Variants in METAP1D observed in about 807,000 individuals in gnomAD.
METAP1D encodes methionine aminopeptidase 1D, mitochondrial.
Under a neutral mutation model 40.5 loss-of-function variants are expected in METAP1D, and 31 were observed. The ratio of observed to expected loss-of-function variants is 0.77; its 90% CI spans 0.58 to 1.03. The LOEUF (loss-of-function observed/expected upper bound fraction) is 1.03, where lower values mean the gene tolerates loss of function less well. Ranked by LOEUF, METAP1D falls within the 50% of genes least tolerant of loss-of-function variation. The pLI is 0.00. For synonymous variants in METAP1D, 151 were observed against 146.4 expected (o/e 1.03, Z -0.22); for missense variants, 411 against 420.7 (o/e 0.98, Z 0.20).
chr2:172,064,733 G>C (rs1406848936), intron 3 of METAP1D, among the ~76,000 whole-genome samples: 1 of 152,130 alleles, frequency 6.6e-6, no homozygotes, highest in Non-Finnish European at 1.5e-5. Context: ...TCTGCCAAAA[G>C]GTGGGCAGAA....
intron 1 of METAP1D, among the ~76,000 whole-genome samples, chr2:172,005,520 T>TTTTATA (rs1267182910): frequency 1.2e-4 from 13 of 110,950 alleles, no homozygotes; most frequent in East Asian, 2.8e-4. Flanking sequence ...TGTCTGTATT[T>TTTTATA]TATATATATA....
At chr2:172,078,310 C>G (rs1254942815) in intron 7 of METAP1D, among the ~76,000 whole-genome samples, 1 of 152,230 alleles carries the variant, frequency 6.6e-6, no homozygotes, top group Admixed American at 6.5e-5. Context: ...TTACATCCTA[C>G]ACAGCGTTGA....
intron 1 of METAP1D, among the ~76,000 whole-genome samples, chr2:172,007,165 ATTTTTTTTTTT>A (rs139762342): frequency 7.4e-6 from 1 of 134,320 alleles, no homozygotes. Context: ...ATGTCATGTA[ATTTTTTTTTTT>A]TTTTTTTTTT....
intron 1 of METAP1D, among the ~76,000 whole-genome samples, chr2:172,001,961 T>C (rs1002894636): frequency 2.7e-5 from 4 of 148,782 alleles, no homozygotes; most frequent in African/African-American, 1.0e-4. Flanking sequence ...CCAGGTGTGG[T>C]GGCACATGCT....
chr2:172,022,968 C>G (rs1296967544), intron 1 of METAP1D, among the ~76,000 whole-genome samples: 1 of 152,086 alleles, frequency 6.6e-6, no homozygotes, highest in Non-Finnish European at 1.5e-5. Context: ...GGGCTGATCA[C>G]CTGAGGTCGG....
chr2:172,065,966 G>C (rs1690266983), intron 4 of METAP1D, among the ~76,000 whole-genome samples: 1 of 152,142 alleles, frequency 6.6e-6, no homozygotes, highest in Non-Finnish European at 1.5e-5. Flanking sequence ...AATCTAAATG[G>C]GGGTTGTGCA....
intron 1 of METAP1D, among the ~76,000 whole-genome samples, chr2:172,021,220 TTA>T (rs1280403016): frequency 6.6e-6 from 1 of 152,190 alleles, no homozygotes; most frequent in Non-Finnish European, 1.5e-5. Context: ...GGGGATAGAA[TTA>T]TATGAGGAAG....
At chr2:172,051,257 A>G (rs1265637069) in intron 1 of METAP1D, among the ~76,000 whole-genome samples, 2 of 152,116 alleles carry the variant, frequency 1.3e-5, no homozygotes, top group Admixed American at 1.3e-4. Context: ...CGGCTAGCCT[A>G]AAGGAATTTT....
chr2:172,060,852 A>G (rs1559016242), intron 1 of METAP1D, among the ~76,000 whole-genome samples: 1 of 152,244 alleles, frequency 6.6e-6, no homozygotes. Flanking sequence ...GTCCTAGGAG[A>G]TGAACTGCTG....
chr2:172,024,097 G>T (rs1193994340), intron 1 of METAP1D, among the ~76,000 whole-genome samples: 1 of 152,104 alleles, frequency 6.6e-6, no homozygotes, highest in Non-Finnish European at 1.5e-5. Context: ...CTGACCTCGT[G>T]ATCCGCTCAC....
rs774575033 is a variant in METAP1D, at chr2:172,066,265, C to T, written c.499C>T (p.Arg167Ter). Reference protein sequence around the residue: ...NVLCHGIPDSRPLQDGDIINI... With the variant: ...NVLCHGIPDS ...TTTTTTTTTCTGTTTACGTTTTAGT[C>T]GACCTCTTCAGGATGGAGATATTAT... Residue 167 changes from arginine to a stop codon, truncating the protein, a stop_gained and splice_region_variant, in exon 5 of 10, where the codon CGA becomes TGA. Coordinates refer to ENST00000315796, the MANE Select transcript of METAP1D (RefSeq NM_199227.3). LOFTEE classifies it high-confidence loss of function. The T allele has an allele frequency of 5.0e-6, 8 of 1,609,178 alleles. No homozygotes were observed. In the African/African-American group the frequency reaches 5.4e-5, roughly 11 times the overall value.
chr2:172,070,878 C>T, intron 5 of METAP1D, 29 bp from the exon 6 acceptor site: 1 of 1,551,022 alleles, frequency 6.4e-7, no homozygotes, highest in Non-Finnish European at 8.7e-7. Context: ...TAAACAAGGA[C>T]ATATTTTTAA....
At position 172,066,519 on chromosome 2, in the gene METAP1D, A is replaced by G. The variant is rs375078845; in HGVS notation, c.540+213A>G. 5.3e-5 allele frequency among the ~76,000 whole-genome samples: 8 copies of G among 152,350 alleles called. No individual in the cohort carries two copies. In the East Asian group the frequency reaches 5.8e-4, roughly 11 times the overall value. On this transcript the variant is annotated intron_variant, in intron 5 of 9. Coordinates refer to ENST00000315796, the MANE Select transcript of METAP1D (RefSeq NM_199227.3). The stretch of plus-strand genomic sequence containing the variant: ...TGAATTTAGGGCTGCAATCAGATGC[A>G]CTGAGATCAATGTTGGCCTAAGTGA...
chr2:172,013,823 C>CTT (rs35639666), intron 1 of METAP1D, among the ~76,000 whole-genome samples: 1 of 127,788 alleles, frequency 7.8e-6, no homozygotes, highest in Admixed American at 8.0e-5. Context: ...CTTTTTTTTT[C>CTT]TTTTTTTTTT....
rs1207095651 is a variant in METAP1D, at chr2:172,068,872, C to CCCTCCCTT, written c.541-2023_541-2016dup. On this transcript the variant is annotated intron_variant, in intron 5 of 9. Coordinates refer to ENST00000315796, the MANE Select transcript of METAP1D (RefSeq NM_199227.3). ...TTCCTTCCTTCGTTCCTCCCTTCCT[C>CCCTCCCTT]CCTCCCTTCCTCCCTTCCTTTCTTT... Among the ~76,000 whole-genome samples the CCCTCCCTT allele has an allele frequency of 1.1e-4, 17 of 151,856 alleles. No homozygotes were observed. The South Asian group carries it at 2.5e-3, about 22-fold the overall frequency.
intron 1 of METAP1D, among the ~76,000 whole-genome samples, chr2:172,048,661 C>T (rs1689812525): frequency 6.6e-6 from 1 of 152,136 alleles, no homozygotes; most frequent in South Asian, 2.1e-4. Flanking sequence ...ATTGACTATA[C>T]CTTATTAGGC....
Position 172,070,956 on chromosome 2 carries a change from G to A in METAP1D, c.590G>A (p.Gly197Asp), listed in dbSNP as rs1266984079. 2 of 1,612,614 alleles carry A rather than the reference G, an allele frequency of 1.2e-6. No individual in the cohort carries two copies. Among genetic ancestry groups the A allele is most frequent in the Admixed American group, 1.7e-5 (1 of 59,930 alleles). ...HGDTSETFLV[G>D]NVDECGKKLV... The stretch of plus-strand genomic sequence containing the variant: ...GACACCTCTGAAACATTTTTGGTGG[G>A]CAATGTGGACGAATGTGGTAAAAAG... The change falls in exon 6 of 10, where the codon GGC becomes GAC. Residue 197 changes from glycine (G) to aspartate (D), a missense_variant. Physicochemically the swap from Gly to Asp is moderately conservative, Grantham distance 94 (BLOSUM62 -1). Coordinates refer to ENST00000315796, the MANE Select transcript of METAP1D (RefSeq NM_199227.3).
chr2:172,071,839 C>G (rs995940013), intron 6 of METAP1D, among the ~76,000 whole-genome samples: 3 of 152,044 alleles, frequency 2.0e-5, no homozygotes, highest in African/African-American at 7.2e-5. Flanking sequence ...TAATATGAAC[C>G]ATTGAATACT....
In METAP1D at chr2:172,036,133, C is replaced by T. The variant is rs367699791; in HGVS notation, c.41-25365C>T. ...GAGATCAAGACCATCCTGGCTAACA[C>T]GGTGAAACCCCGTCTCTACTAAAAA... On this transcript the variant is annotated intron_variant, in intron 1 of 9. Coordinates refer to ENST00000315796, the MANE Select transcript of METAP1D (RefSeq NM_199227.3). Among the ~76,000 whole-genome samples, 73 of 151,554 alleles carry T rather than the reference C, an allele frequency of 4.8e-4. No homozygotes were observed. In the East Asian group the frequency reaches 5.8e-3, roughly 12 times the overall value.
Sources: gnomAD v4.1 joint callset for allele counts (sites outside exome capture counted in the v4.1 genomes callset) on GRCh38, gnomAD v4.1.1 for gene constraint, MANE v1.5 for transcripts, NCBI Gene and HGNC (gene_info 2026-07-23, HGNC 2026-07-21) for gene names.